Variants in CCDC178 observed in about 807,000 individuals in gnomAD.
CCDC178 encodes the protein coiled-coil domain containing 178, also known as coiled-coil domain-containing protein 178.
A neutral mutation model predicts 117.4 loss-of-function variants in CCDC178; 126 were observed. The ratio of observed to expected loss-of-function variants is 1.07; its 90% CI spans 0.93 to 1.24. The LOEUF is 1.24. Ranked by LOEUF, CCDC178 falls within the 50% of genes most tolerant of loss-of-function variation. CCDC178 has a pLI of 0.00. For missense variants in CCDC178, 1,030 were observed against 986.9 expected (o/e 1.04, Z -0.59); for synonymous variants, 283 against 313.4 (o/e 0.90, Z 1.02).
chr18:33,380,869 C>A (rs574728051), intron 5 of CCDC178, among the ~76,000 whole-genome samples: 13 of 152,298 alleles, frequency 8.5e-5, no homozygotes, highest in African/African-American at 3.1e-4. Flanking sequence ...TTTAAACATT[C>A]GGATTTAGTC....
chr18:33,431,368 A>T (rs955194699), intron 2 of CCDC178, among the ~76,000 whole-genome samples: 1 of 151,968 alleles, frequency 6.6e-6, no homozygotes, highest in African/African-American at 2.4e-5. Context: ...TATAAACATA[A>T]TAACAATTTT....
At chr18:32,984,703 A>G (rs562687765) in intron 21 of CCDC178, among the ~76,000 whole-genome samples, 2 of 152,138 alleles carry the variant, frequency 1.3e-5, no homozygotes, top group South Asian at 2.1e-4. Flanking sequence ...AAACAAAATT[A>G]TAAAATAAAA....
chr18:33,279,922 C>T (rs1342812016), intron 12 of CCDC178, among the ~76,000 whole-genome samples: 1 of 152,010 alleles, frequency 6.6e-6, no homozygotes, highest in Non-Finnish European at 1.5e-5. Flanking sequence ...AAACTGGATC[C>T]CTTCCTTACA....
chr18:33,431,280 G>A (rs1170237247), intron 2 of CCDC178, among the ~76,000 whole-genome samples: 1 of 124,800 alleles, frequency 8.0e-6, no homozygotes, highest in Non-Finnish European at 1.6e-5. Context: ...CGTTTTCTTT[G>A]TTGAAAGCCA....
In CCDC178 at chr18:33,293,147, T is replaced by C. The variant is rs751531320; in HGVS notation, c.1176+12A>G. On this transcript the variant is annotated intron_variant, in intron 12 of 22. Transcript: ENST00000383096. ...AAATCAGTATTTTTTATTTCTAATA[T>C]GAAAAACTCACCATTTTTGATAGAG... 10 of 1,518,862 alleles carry C rather than the reference T, an allele frequency of 6.6e-6. No individual in the cohort carries two copies. Among genetic ancestry groups the C allele is most frequent in the Admixed American group, 4.0e-5 (2 of 49,662 alleles). 94.1% of individuals were successfully genotyped at this position (1,518,862 alleles called of 1,614,324 possible).
intron 4 of CCDC178, among the ~76,000 whole-genome samples, chr18:33,396,124 C>CT (rs1240105897): frequency 6.6e-6 from 1 of 151,932 alleles, no homozygotes; most frequent in Non-Finnish European, 1.5e-5. Context: ...ACAAATGACT[C>CT]ATTAGAAAAT....
chr18:33,360,624 C>T (rs1599218830), intron 6 of CCDC178, among the ~76,000 whole-genome samples: 1 of 151,486 alleles, frequency 6.6e-6, no homozygotes, highest in Non-Finnish European at 1.5e-5. Flanking sequence ...CAATGCTACA[C>T]AAAAAAACCT....
At chr18:33,043,332 A>G (rs1286590751) in intron 21 of CCDC178, among the ~76,000 whole-genome samples, 4 of 152,116 alleles carry the variant, frequency 2.6e-5, no homozygotes, top group Non-Finnish European at 4.4e-5. Context: ...ATCATAGAAC[A>G]ATATGTTTAT....
At chr18:33,224,566 A>C (rs1394553662) in intron 17 of CCDC178, among the ~76,000 whole-genome samples, 1 of 152,072 alleles carries the variant, frequency 6.6e-6, no homozygotes, top group African/African-American at 2.4e-5. Flanking sequence ...TTTCCCAAGT[A>C]CCCTCTAAGA....
At chr18:32,989,779 A>G (rs1377544282) in intron 21 of CCDC178, among the ~76,000 whole-genome samples, 2 of 152,122 alleles carry the variant, frequency 1.3e-5, no homozygotes, top group African/African-American at 4.8e-5. Context: ...ACAACATTAT[A>G]TGGGAGGGCC....
At chr18:33,073,058 T>G (rs2057137621) in intron 21 of CCDC178, among the ~76,000 whole-genome samples, 2 of 152,122 alleles carry the variant, frequency 1.3e-5, no homozygotes, top group Non-Finnish European at 2.9e-5. Context: ...CTCATAAAAT[T>G]TATTTCTCAG....
At chr18:33,332,805 G>A (rs554706177) in intron 10 of CCDC178, among the ~76,000 whole-genome samples, 2 of 152,142 alleles carry the variant, frequency 1.3e-5, no homozygotes, top group African/African-American at 2.4e-5. Context: ...GTAGACATGG[G>A]GTTTCACCAT....
intron 22 of CCDC178, among the ~76,000 whole-genome samples, chr18:32,955,642 C>G (rs555016391): frequency 2.6e-5 from 4 of 152,260 alleles, no homozygotes; most frequent in Non-Finnish European, 5.9e-5. Context: ...CATACACACA[C>G]ATACACTCCC....
In CCDC178 at chr18:33,219,454, G is replaced by C. The variant is rs566787596; in HGVS notation, c.1932+3652C>G. ...TATACCCAAAGGATTATAAATCATG[G>C]TGCTATAAAGACACATTCACACGTA... On this transcript the variant is annotated intron_variant, in intron 18 of 22. Transcript: ENST00000383096. 8.2e-4 allele frequency among the ~76,000 whole-genome samples: 124 copies of C among 152,126 alleles called. 1 individual carries two copies. Among genetic ancestry groups the C allele is most frequent in the African/African-American group, 2.8e-3 (118 of 41,522 alleles).
chr18:33,192,760 G>A (rs533476678), intron 20 of CCDC178, among the ~76,000 whole-genome samples: 1 of 151,796 alleles, frequency 6.6e-6, no homozygotes, highest in East Asian at 2.0e-4. Flanking sequence ...AATTAGCCGG[G>A]CATGGTGGCG....
chr18:33,008,493 T>C (rs1206046382), intron 21 of CCDC178, among the ~76,000 whole-genome samples: 1 of 152,084 alleles, frequency 6.6e-6, no homozygotes. Flanking sequence ...TCTTCTCTAA[T>C]TCTCCTTTCA....
chr18:33,282,558 T>C (rs1568113812), intron 12 of CCDC178, among the ~76,000 whole-genome samples: 1 of 152,264 alleles, frequency 6.6e-6, no homozygotes, highest in East Asian at 1.9e-4. Flanking sequence ...CCATAGCTTC[T>C]GCATTGGTAA....
chr18:33,168,806 TGACA>T (rs1243478553), intron 20 of CCDC178, among the ~76,000 whole-genome samples: 2 of 152,222 alleles, frequency 1.3e-5, no homozygotes, highest in Non-Finnish European at 2.9e-5. Context: ...TATTTTGAGC[TGACA>T]GAACTTAATT....
At chr18:33,259,057 G>T (rs1321221828) in intron 14 of CCDC178, among the ~76,000 whole-genome samples, 3 of 151,898 alleles carry the variant, frequency 2.0e-5, no homozygotes, top group Non-Finnish European at 4.4e-5. Context: ...TAGGCCCTAG[G>T]TGCAAGCAGT....
Sources: gnomAD v4.1 joint callset for allele counts (sites outside exome capture counted in the v4.1 genomes callset) on GRCh38, gnomAD v4.1.1 for gene constraint, MANE v1.5 for transcripts, NCBI Gene and HGNC (gene_info 2026-07-23, HGNC 2026-07-21) for gene names.